The following NTM variants were observed in gnomAD, a reference collection of about 807,000 sequenced individuals.
NTM encodes IgLON family member 2.
A neutral mutation model predicts 42.1 loss-of-function variants in NTM; 13 were observed. That is an observed-to-expected ratio of 0.31 (90% confidence interval 0.20 to 0.49). NTM has a LOEUF of 0.49. Ranked by LOEUF, NTM falls within the 20% of genes least tolerant of loss-of-function variation. The pLI, the probability that NTM is intolerant of heterozygous loss-of-function variation, is 0.99. For synonymous variants in NTM, 187 were observed against 179.2 expected, an observed-to-expected ratio of 1.04 and a Z score of -0.35; for missense variants, 373 against 452.8, an observed-to-expected ratio of 0.82 and a Z score of 1.60.
chr11:131,692,139 T>TC (rs1344546770), intron 1 of NTM, among the ~76,000 whole-genome samples: 1 of 152,178 alleles, frequency 6.6e-6, no homozygotes, highest in African/African-American at 2.4e-5. Flanking sequence ...CTTTCTCTTG[T>TC]CCTTCCACTC....
At chr11:131,427,335 G>C (rs1429551274) in intron 1 of NTM, among the ~76,000 whole-genome samples, 1 of 152,060 alleles carries the variant, frequency 6.6e-6, no homozygotes. Flanking sequence ...CTTTAAAATG[G>C]CAGCTTCTCT....
At chr11:131,608,002 C>G (rs2061133366) in intron 1 of NTM, among the ~76,000 whole-genome samples, 1 of 152,102 alleles carries the variant, frequency 6.6e-6, no homozygotes, top group Non-Finnish European at 1.5e-5. Context: ...GTGCTGCACC[C>G]ATTAACTCGT....
intron 1 of NTM, among the ~76,000 whole-genome samples, chr11:131,803,905 T>A (rs1375598058): frequency 6.6e-6 from 1 of 152,242 alleles, no homozygotes; most frequent in Non-Finnish European, 1.5e-5. Flanking sequence ...TCTCTTCACC[T>A]CCCACTGTCC....
At chr11:131,957,760 C>G (rs2061704520) in intron 2 of NTM, among the ~76,000 whole-genome samples, 1 of 152,102 alleles carries the variant, frequency 6.6e-6, no homozygotes. Flanking sequence ...ATCCTCGTTT[C>G]CTGATCTCAA....
intron 1 of NTM, among the ~76,000 whole-genome samples, chr11:131,453,949 C>T (rs1045770852): frequency 6.6e-6 from 1 of 152,196 alleles, no homozygotes; most frequent in African/African-American, 2.4e-5. Context: ...ACCTGTCTCC[C>T]GTGCAACCTT....
chr11:131,820,359 C>G (rs1359321559), intron 1 of NTM, among the ~76,000 whole-genome samples: 1 of 152,188 alleles, frequency 6.6e-6, no homozygotes, highest in Non-Finnish European at 1.5e-5. Context: ...TGCTCCATGT[C>G]TTAACTCCCT....
At chr11:131,545,568 C>T (rs1483702117) in intron 1 of NTM, among the ~76,000 whole-genome samples, 1 of 152,158 alleles carries the variant, frequency 6.6e-6, no homozygotes, top group Non-Finnish European at 1.5e-5. Context: ...AGTCTCTTTG[C>T]TAGGTTCTCA....
intron 2 of NTM, among the ~76,000 whole-genome samples, chr11:132,091,426 T>A (rs1023447629): frequency 6.6e-6 from 1 of 152,000 alleles, no homozygotes; most frequent in African/African-American, 2.4e-5. Context: ...AATAAATTAA[T>A]AAAATAATAA....
At chr11:132,280,876 G>A (rs1007538572) in intron 4 of NTM, among the ~76,000 whole-genome samples, 8 of 152,152 alleles carry the variant, frequency 5.3e-5, no homozygotes, top group African/African-American at 1.9e-4. Flanking sequence ...GCCACCTATA[G>A]CTAGCTGTTC....
Position 132,002,103 on chromosome 11 carries a change from G to A in NTM, c.167+90455G>A, listed in dbSNP as rs192693775. Among the ~76,000 whole-genome samples the A allele has an allele frequency of 7.6e-4, 116 of 152,272 alleles. No homozygotes were observed. The highest frequency in any genetic ancestry group is 2.5e-3 in the African/African-American group (102 of 41,576). Reference sequence around the variant, plus strand: ...GGGTGGAGAGTTGATGCTGTCCATGGCAACCGGGGCTGGAAATTATGCTGC... The same window carrying A: ...GGGTGGAGAGTTGATGCTGTCCATGACAACCGGGGCTGGAAATTATGCTGC... On this transcript the variant is annotated intron_variant, in intron 2 of 8. Coordinates refer to ENST00000683400, the MANE Select transcript of NTM (RefSeq NM_001352005.2). This position sits in a 1 kb window ranked among gnomAD's most constrained non-coding sequence, Gnocchi z 4.5.
At chr11:132,230,358 A>G (rs929874581) in intron 4 of NTM, among the ~76,000 whole-genome samples, 7 of 152,110 alleles carry the variant, frequency 4.6e-5, no homozygotes, top group African/African-American at 1.7e-4. Context: ...ATTATTATCT[A>G]TATTCAAAAA....
chr11:131,455,692 A>G (rs548447518), intron 1 of NTM, among the ~76,000 whole-genome samples: 2 of 152,250 alleles, frequency 1.3e-5, no homozygotes, highest in East Asian at 3.9e-4. Flanking sequence ...TCTGGATGTG[A>G]TCCAACAGGT....
intron 1 of NTM, among the ~76,000 whole-genome samples, chr11:131,451,283 G>T (rs1030375690): frequency 2.0e-5 from 3 of 152,176 alleles, no homozygotes; most frequent in South Asian, 4.1e-4. Flanking sequence ...AGGAAACCAA[G>T]CATATGCACA....
chr11:131,770,674 C>G lies in NTM; in HGVS notation c.83-140890C>G, dbSNP rs541298212. The G allele has an allele frequency of 9.2e-5, 14 of 152,278 alleles. No homozygotes were observed. In the South Asian group the frequency reaches 2.9e-3, roughly 32 times the overall value. The allele number at this position is 152,278 out of a possible 1,614,324, so 9.4% of individuals were successfully genotyped here. On this transcript the variant is annotated intron_variant, in intron 1 of 8. Transcript: ENST00000683400. ...AGAAATCCCTAAATTCTGAGCTTCA[C>G]GAAACTGAGCTAGATCTGTTTGAAG... is the stretch of plus-strand genomic sequence containing the variant.
intron 2 of NTM, among the ~76,000 whole-genome samples, chr11:131,939,570 C>T (rs1321636517): frequency 2.0e-5 from 3 of 151,836 alleles, no homozygotes; most frequent in East Asian, 1.9e-4. Flanking sequence ...GGGAGTATGG[C>T]GCTGGAGAGC....
intron 1 of NTM, among the ~76,000 whole-genome samples, chr11:131,809,206 C>T (rs1025563087): frequency 2.0e-5 from 3 of 152,170 alleles, no homozygotes; most frequent in African/African-American, 7.2e-5. Flanking sequence ...AGGATTTCTA[C>T]AAAAGTCTTT....
chr11:131,814,059 GACTGA>G (rs1452782922), intron 1 of NTM, among the ~76,000 whole-genome samples: 3 of 152,016 alleles, frequency 2.0e-5, no homozygotes, highest in Non-Finnish European at 4.4e-5. Flanking sequence ...ATGAAGCATT[GACTGA>G]ACCACAACCT....
chr11:131,900,532 G>C (rs1421780436), intron 1 of NTM, among the ~76,000 whole-genome samples: 3 of 152,222 alleles, frequency 2.0e-5, no homozygotes, highest in Non-Finnish European at 4.4e-5. Context: ...CAGGAATCCA[G>C]ATAAGAAAAT....
At chr11:131,460,010 A>G (rs941559416) in intron 1 of NTM, among the ~76,000 whole-genome samples, 1 of 152,236 alleles carries the variant, frequency 6.6e-6, no homozygotes, top group African/African-American at 2.4e-5. Flanking sequence ...CTTAAAAAAA[A>G]TGCTTAGGAA....
Sources: allele counts gnomAD v4.1 joint callset (sites outside exome capture counted in the v4.1 genomes callset), GRCh38; gene constraint gnomAD v4.1.1; non-coding constraint Gnocchi (gnomAD v3.1); transcripts MANE v1.5; gene names NCBI Gene and HGNC (gene_info 2026-07-23, HGNC 2026-07-21).